Variants in SCMH1 observed in about 807,000 individuals in gnomAD.
SCMH1 encodes the protein Scm polycomb group protein homolog 1.
A neutral mutation model predicts 70.8 loss-of-function variants in SCMH1; 37 were observed. The observed-to-expected ratio is 0.52, with a 90% CI of 0.40 to 0.69. SCMH1 has a LOEUF of 0.69. Ranked by LOEUF, SCMH1 falls within the 30% of genes least tolerant of loss-of-function variation. SCMH1 has a pLI of 0.00. For missense variants in SCMH1, 607 were observed against 827.3 expected (o/e 0.73, Z 3.27); for synonymous variants, 292 against 307.4 (o/e 0.95, Z 0.52).
intron 10 of SCMH1, among the ~76,000 whole-genome samples, chr1:41,056,861 G>C (rs1650493416): frequency 6.6e-6 from 1 of 152,112 alleles, no homozygotes; most frequent in African/African-American, 2.4e-5. Context: ...GTAAATATAA[G>C]AGAAAAATAC....
At chr1:41,157,496 A>C (rs1263881078) in intron 4 of SCMH1, among the ~76,000 whole-genome samples, 3 of 152,244 alleles carry the variant, frequency 2.0e-5, no homozygotes, top group Non-Finnish European at 4.4e-5. Context: ...TCTTTTCACT[A>C]TACCACAGGG....
At chr1:41,233,394 C>G (rs1004133956) in intron 1 of SCMH1, among the ~76,000 whole-genome samples, 1 of 151,984 alleles carries the variant, frequency 6.6e-6, no homozygotes, top group South Asian at 2.1e-4. Context: ...CCAGAAAGTA[C>G]AGAAGAATAA....
intron 6 of SCMH1, among the ~76,000 whole-genome samples, chr1:41,119,127 C>A (rs990436209): frequency 6.6e-6 from 1 of 152,114 alleles, no homozygotes; most frequent in African/African-American, 2.4e-5. Flanking sequence ...TGAGCCCACA[C>A]TTTAAAACTG....
intron 2 of SCMH1, among the ~76,000 whole-genome samples, chr1:41,165,942 G>T (rs1271385840): frequency 2.0e-5 from 3 of 151,940 alleles, no homozygotes; most frequent in African/African-American, 7.2e-5. Context: ...TCATATCAAA[G>T]AAATCTCTGT....
rs1287456686 is a variant in SCMH1, at chr1:41,101,029, G to T, written c.745+12254C>A. 2.9e-5 allele frequency among the ~76,000 whole-genome samples: 4 copies of T among 137,612 alleles called. No individual in the cohort carries two copies. The East Asian group carries it at 6.4e-4, about 22-fold the overall frequency. The allele number at this position is 137,612 out of a possible 152,430, so 90.3% of individuals were successfully genotyped here. A position where few individuals can be genotyped will look rare whatever the true frequency, so the allele number is the denominator to read the frequency against. ...GAACCTGGGGTTGGGGAGGCGGGGA[G>T]AAAAAAAAAAAGAAGAGAGCTCAAG... On this transcript the variant is annotated intron_variant, in intron 8 of 14. Coordinates refer to ENST00000337495, the Ensembl canonical transcript of SCMH1.
At chr1:41,032,978 C>CAAAAAAAA (rs1327396809) in intron 13 of SCMH1, among the ~76,000 whole-genome samples, 1 of 69,032 alleles carries the variant, frequency 1.4e-5, no homozygotes, top group Non-Finnish European at 3.0e-5. Context: ...GACTCTGTCT[C>CAAAAAAAA]AAAAAAAAAA....
At chr1:41,140,433 C>T (rs1643947427) in intron 6 of SCMH1, among the ~76,000 whole-genome samples, 1 of 152,084 alleles carries the variant, frequency 6.6e-6, no homozygotes, top group Non-Finnish European at 1.5e-5. Context: ...GCTGGGACTA[C>T]AGGCACATGC....
intron 2 of SCMH1, among the ~76,000 whole-genome samples, chr1:41,173,676 A>G (rs1646932839): frequency 6.6e-6 from 1 of 152,234 alleles, no homozygotes; most frequent in Admixed American, 6.5e-5. Context: ...TGTTCATTGC[A>G]GCACTATTCA....
intron 6 of SCMH1, among the ~76,000 whole-genome samples, chr1:41,128,458 C>T (rs1049114179): frequency 3.3e-5 from 5 of 152,108 alleles, no homozygotes; most frequent in African/African-American, 1.2e-4. Context: ...ACTTGTTTTC[C>T]TTTTAGAACT....
intron 5 of SCMH1, among the ~76,000 whole-genome samples, chr1:41,143,371 T>G (rs535871183): frequency 1.3e-5 from 2 of 152,260 alleles, no homozygotes; most frequent in South Asian, 4.1e-4. Context: ...AATTAAATGT[T>G]TTCTCATTCT....
At chr1:41,151,861 G>A (rs1013832677) in intron 4 of SCMH1, among the ~76,000 whole-genome samples, 177 bp from the exon 5 acceptor site, 5 of 152,166 alleles carry the variant, frequency 3.3e-5, no homozygotes, top group African/African-American at 2.4e-5. Flanking sequence ...TGACCTGAGC[G>A]GATGTTTTAG....
At chr1:41,223,489 T>C (rs1659675021) in intron 1 of SCMH1, among the ~76,000 whole-genome samples, 1 of 152,144 alleles carries the variant, frequency 6.6e-6, no homozygotes, top group Non-Finnish European at 1.5e-5. Context: ...TCATTCTATA[T>C]TTGTGTGAGA....
At chr1:41,154,727 A>G (rs1171689656) in intron 4 of SCMH1, among the ~76,000 whole-genome samples, 1 of 152,256 alleles carries the variant, frequency 6.6e-6, no homozygotes, top group African/African-American at 2.4e-5. Context: ...GAAGATTAAT[A>G]TTATTAACTA....
At chr1:41,206,003 C>G (rs1011887509) in intron 1 of SCMH1, among the ~76,000 whole-genome samples, 2 of 152,172 alleles carry the variant, frequency 1.3e-5, no homozygotes, top group Non-Finnish European at 1.5e-5. Context: ...TCAACATCAA[C>G]AAAAAGGACA....
rs998364420 is a variant in SCMH1, at chr1:41,185,722, G to A, written c.13+399C>T. On this transcript the variant is annotated intron_variant, in intron 2 of 14. Transcript: ENST00000337495. Reference sequence around the variant, plus strand: ...GAGATCTCGGCTTACAGCAACCTCCGCCTCCCGGGTTCAAGCAATTCTCCT... The same window carrying A: ...GAGATCTCGGCTTACAGCAACCTCCACCTCCCGGGTTCAAGCAATTCTCCT... Among the ~76,000 whole-genome samples the A allele has an allele frequency of 7.7e-5, 11 of 142,160 alleles. No individual in the cohort carries two copies. The East Asian group carries it at 8.4e-4, about 11-fold the overall frequency. 93.3% of individuals were successfully genotyped at this position (142,160 alleles called of 152,430 possible). A position where few individuals can be genotyped will look rare whatever the true frequency, so the allele number is the denominator to read the frequency against.
intron 1 of SCMH1, among the ~76,000 whole-genome samples, chr1:41,211,566 T>C (rs1271432617): frequency 2.6e-5 from 4 of 152,168 alleles, no homozygotes; most frequent in Non-Finnish European, 4.4e-5. Context: ...ACACTGTTGG[T>C]GGGAGTGTAA....
At chr1:41,173,274 C>T (rs1286080048) in intron 2 of SCMH1, among the ~76,000 whole-genome samples, 1 of 151,920 alleles carries the variant, frequency 6.6e-6, no homozygotes, top group East Asian at 1.9e-4. Flanking sequence ...AAACACAAAA[C>T]AACAAATAAT....
intron 12 of SCMH1, 31 bp from the exon 13 acceptor site, chr1:41,037,572 TAGA>T (rs2148581224): frequency 6.3e-7 from 1 of 1,599,454 alleles, no homozygotes; most frequent in Non-Finnish European, 8.5e-7. Context: ...AGTTAGAGCT[TAGA>T]AGGACTGCCA....
intron 6 of SCMH1, among the ~76,000 whole-genome samples, chr1:41,120,609 C>T (rs779829828): frequency 5.3e-5 from 8 of 152,148 alleles, no homozygotes; most frequent in South Asian, 2.1e-4. Context: ...CCTCAATCCG[C>T]TAGGTGATGT....
Sources: gnomAD v4.1 joint callset for allele counts (sites outside exome capture counted in the v4.1 genomes callset) on GRCh38, gnomAD v4.1.1 for gene constraint, MANE v1.5 for transcripts, NCBI Gene and HGNC (gene_info 2026-07-23, HGNC 2026-07-21) for gene names.